Variants in MYH13 observed in about 807,000 individuals in gnomAD.
MYH13 encodes myosin-13.
Under a neutral mutation model 232.1 loss-of-function variants are expected in MYH13, and 177 were observed. The observed-to-expected ratio is 0.76, with a 90% confidence interval of 0.67 to 0.86. The LOEUF is 0.86. Ranked by LOEUF, MYH13 falls within the 40% of genes least tolerant of loss-of-function variation. MYH13 has a pLI of 0.00. For missense variants in MYH13, 2,246 were observed against 2,405.9 expected (o/e 0.93, Z 1.39); for synonymous variants, 884 against 923.5 (o/e 0.96, Z 0.78).
At chr17:10,363,233 G>A (rs558847166) in intron 3 of MYH13, among the ~76,000 whole-genome samples, 58 of 148,586 alleles carry the variant, frequency 3.9e-4, no homozygotes, top group African/African-American at 1.2e-3. Context: ...GGAGAATGGC[G>A]TGAATCCGGG....
At chr17:10,345,991 C>CAAAAAAAAAAAAA (rs1211414796) in intron 13 of MYH13, among the ~76,000 whole-genome samples, 2 of 83,050 alleles carry the variant, frequency 2.4e-5, no homozygotes, top group Admixed American at 1.7e-4. Flanking sequence ...GACTCTGTCT[C>CAAAAAAAAAAAAA]AAAAAAAAAA....
intron 29 of MYH13, among the ~76,000 whole-genome samples, chr17:10,314,857 T>G (rs911851500): frequency 6.6e-6 from 1 of 152,220 alleles, no homozygotes; most frequent in Non-Finnish European, 1.5e-5. Flanking sequence ...CATGAGTTTA[T>G]AGATCTGTGG....
At chr17:10,351,813 A>G (rs1025700243) in intron 11 of MYH13, among the ~76,000 whole-genome samples, 14 of 152,218 alleles carry the variant, frequency 9.2e-5, no homozygotes, top group Non-Finnish European at 1.8e-4. Context: ...TTGATTATGC[A>G]GTAGGGTTTG....
intron 2 of MYH13, among the ~76,000 whole-genome samples, chr17:10,365,463 T>C (rs2071826821): frequency 6.6e-6 from 1 of 152,142 alleles, no homozygotes; most frequent in South Asian, 2.1e-4. Context: ...ATCCCCATGG[T>C]TTCTGATTCA....
chr17:10,371,184 T>C (rs552523403), intron 2 of MYH13, 25 bp downstream of exon 2: 1 of 152,312 alleles, frequency 6.6e-6, no homozygotes, highest in Non-Finnish European at 1.5e-5. Flanking sequence ...ATTGCATTCA[T>C]GATCAAGCTG....
At chr17:10,322,671 T>C (rs113378462) in intron 23 of MYH13, among the ~76,000 whole-genome samples, 1,864 of 141,882 alleles carry the variant, frequency 0.013, 20 homozygotes, top group Middle Eastern at 0.022. Context: ...TCTCACTCTG[T>C]CGCCCAGGCT....
intron 29 of MYH13, among the ~76,000 whole-genome samples, 173 bp downstream of exon 29, chr17:10,315,520 T>C (rs751450991): frequency 7.2e-5 from 11 of 152,154 alleles, no homozygotes; most frequent in Non-Finnish European, 1.5e-4. Context: ...GGTCTTGAAC[T>C]CCTGATCTCG....
In MYH13 at chr17:10,307,717, G is replaced by A. The variant is rs549982023; in HGVS notation, c.5170-653C>T. ...AATTTATAGAAGAGAACTCTCACAC[G>A]TTTCCCCAGTGGAAATAAAAATTGG... On this transcript the variant is annotated intron_variant, in intron 35 of 40. Transcript: ENST00000252172. Among the ~76,000 whole-genome samples the A allele has an allele frequency of 8.5e-5, 13 of 152,176 alleles. 1 individual carries two copies. Among genetic ancestry groups the A allele is most frequent in the East Asian group, 1.9e-4 (1 of 5,178 alleles).
chr17:10,325,897 G>C (rs1056566198), intron 22 of MYH13, among the ~76,000 whole-genome samples: 2 of 152,100 alleles, frequency 1.3e-5, no homozygotes, highest in South Asian at 2.1e-4. Flanking sequence ...GGATGGTTTC[G>C]ATCTCTTGAT....
chr17:10,319,079 A>T lies in MYH13; in HGVS notation c.3449T>A (p.Ile1150Asn). The change falls in exon 27 of 41, where the codon ATC becomes AAC. Residue 1150 changes from isoleucine (I) to asparagine (N), a missense_variant. Coordinates refer to ENST00000252172, the MANE Select transcript of MYH13 (RefSeq NM_003802.3). ...ACTGGCTTCTTCCAGCCTCTCGCTGATCTCCTCCAGTTCCCTGGCCAGATC... is the reference window on the plus strand; with the variant it reads ...ACTGGCTTCTTCCAGCCTCTCGCTGTTCTCCTCCAGTTCCCTGGCCAGATC... ...RSDLARELEE[I>N]SERLEEASGA... 1 of 1,613,906 alleles carries T rather than the reference A, an allele frequency of 6.2e-7. No individual in the cohort carries two copies. Among genetic ancestry groups the T allele is most frequent in the Non-Finnish European group, 8.5e-7 (1 of 1,180,004 alleles).
intron 12 of MYH13, among the ~76,000 whole-genome samples, chr17:10,347,225 C>A (rs540015516): frequency 9.2e-5 from 14 of 152,186 alleles, no homozygotes; most frequent in Admixed American, 5.2e-4. Flanking sequence ...ATTAGCCAAG[C>A]ATTGTGGCAA....
chr17:10,327,191 C>T (rs1048712394), intron 22 of MYH13, among the ~76,000 whole-genome samples: 5 of 148,044 alleles, frequency 3.4e-5, no homozygotes, highest in African/African-American at 1.2e-4. Context: ...TTAGTAGAGA[C>T]GGGGTTTCAC....
rs546435125 is a variant in MYH13 at position 10,300,888 on chromosome 17, T to G, written c.*63A>C. ...AATCCGAGTATTTAGGAGAATTTAT[T>G]TCTCACACATTTTCCCTCCACTCTC... On this transcript the variant is annotated 3_prime_UTR_variant, in exon 41 of 41. Coordinates refer to ENST00000252172, the MANE Select transcript of MYH13 (RefSeq NM_003802.3). 2.6e-6 allele frequency: 4 copies of G among 1,544,044 alleles called. No individual in the cohort carries two copies. The African/African-American group carries it at 4.1e-5, about 16-fold the overall frequency.
Position 10,332,229 on chromosome 17 carries a change from A to G in MYH13, c.2175-7T>C. The G allele has an allele frequency of 3.1e-6, 5 of 1,613,106 alleles. No individual in the cohort carries two copies. In the South Asian group the frequency reaches 4.4e-5, roughly 14 times the overall value. On this transcript the variant is annotated splice_region_variant and splice_polypyrimidine_tract_variant and intron_variant, in intron 19 of 40. Coordinates refer to ENST00000252172, the MANE Select transcript of MYH13 (RefSeq NM_003802.3). ...GGCATTGAGGATCCGGTACCTAAGG[A>G]GAGAGGACATTTCCCAAATGGATTC...
intron 11 of MYH13, among the ~76,000 whole-genome samples, chr17:10,352,731 TG>T (rs2071719962): frequency 6.6e-6 from 1 of 152,154 alleles, no homozygotes; most frequent in African/African-American, 2.4e-5. Context: ...TCTCAGTGGA[TG>T]GGGGCCTTGT....
rs571148883 is a variant in MYH13, at chr17:10,369,210, A to G, written c.-13+1999T>C. Among the ~76,000 whole-genome samples, 4 of 152,372 alleles carry G rather than the reference A, an allele frequency of 2.6e-5. No individual in the cohort carries two copies. In the East Asian group the frequency reaches 7.7e-4, roughly 29 times the overall value. On this transcript the variant is annotated intron_variant, in intron 2 of 40. Transcript: ENST00000252172. ...TGCAATGCTTCTTTCATAGATTGTA[A>G]TATGCATCCTCATTTCAGGGATAAA...
chr17:10,344,020 A>G lies in MYH13; in HGVS notation c.1674T>C (p.His558=). Residue 558 remains histidine, a synonymous_variant, in exon 16 of 41, where the codon CAT becomes CAC. Coordinates refer to ENST00000252172, the MANE Select transcript of MYH13 (RefSeq NM_003802.3). ...TSFKNKLYDQ[H]LGKSNNFQKP... is the part of the protein sequence containing the mutation. ...TCTGGAAGTTGTTGGATTTTCCAAG[A>G]TGCTGGTCATACAGCTTGTTCTTGA... 4 of 1,614,238 alleles carry G rather than the reference A, an allele frequency of 2.5e-6. No homozygotes were observed. The highest frequency in any genetic ancestry group is 3.4e-6 in the Non-Finnish European group (4 of 1,180,048).
chr17:10,327,772 T>C, intron 22 of MYH13, 94 bp downstream of exon 22: 4 of 1,502,288 alleles, frequency 2.7e-6, no homozygotes, highest in Non-Finnish European at 3.6e-6. Flanking sequence ...CACCACTGTC[T>C]CTCGAATAGA....
intron 23 of MYH13, among the ~76,000 whole-genome samples, chr17:10,322,737 C>T (rs957665936): frequency 6.7e-6 from 1 of 150,210 alleles, no homozygotes; most frequent in Non-Finnish European, 1.5e-5. Flanking sequence ...GGGTTCACGC[C>T]ATTCTCCGGC....
Sources: gnomAD v4.1 joint callset for allele counts (sites outside exome capture counted in the v4.1 genomes callset) on GRCh38, gnomAD v4.1.1 for gene constraint, MANE v1.5 for transcripts, NCBI Gene and HGNC (gene_info 2026-07-23, HGNC 2026-07-21) for gene names.